The following MAF variants were observed in gnomAD, a reference collection of about 807,000 sequenced individuals.
The protein encoded by MAF is MAF bZIP transcription factor, also known as transcription factor Maf.
In MAF, 10 loss-of-function variants were observed where a neutral mutation model predicts 22.0. The ratio of observed to expected loss-of-function variants is 0.45; its 90% CI spans 0.28 to 0.77. The LOEUF is 0.77. Ranked by LOEUF, MAF falls within the 30% of genes least tolerant of loss-of-function variation. MAF has a pLI of 0.12. For missense variants in MAF, 544 were observed against 548.4 expected, an observed-to-expected ratio of 0.99 and a Z score of 0.08; for synonymous variants, 337 against 255.8, an observed-to-expected ratio of 1.32 and a Z score of -3.03.
At chr16:79,398,561 T>C in the MAF span, among the ~76,000 whole-genome samples, 2 of 152,086 alleles carry the variant, frequency 1.3e-5, no homozygotes, top group African/African-American at 4.8e-5. Context: ...AGACGGAGTA[T>C]CCTAGAGATA....
the MAF span, among the ~76,000 whole-genome samples, chr16:79,298,220 A>G: frequency 3.4e-4 from 52 of 152,336 alleles, no homozygotes; most frequent in Admixed American, 2.7e-3. Context: ...GTCCCCAGGA[A>G]AGGAGATGTG....
chr16:79,328,961 G>C, the MAF span, among the ~76,000 whole-genome samples: 1 of 152,126 alleles, frequency 6.6e-6, no homozygotes, highest in Admixed American at 6.5e-5. Context: ...CTGTCATTGT[G>C]TCTGTCTTTA....
the MAF span, among the ~76,000 whole-genome samples, chr16:79,271,834 C>T: frequency 2.0e-5 from 3 of 152,302 alleles, no homozygotes; most frequent in South Asian, 6.2e-4. Flanking sequence ...TTGGTGGCAC[C>T]ACCAGGGAGG....
At chr16:79,207,934 T>G in the MAF span, among the ~76,000 whole-genome samples, 2 of 152,214 alleles carry the variant, frequency 1.3e-5, no homozygotes, top group Non-Finnish European at 2.9e-5. Context: ...AGCAGCTACT[T>G]AACATTTTCA....
chr16:79,582,185 AAAC>A (rs1407742687), downstream of MAF, among the ~76,000 whole-genome samples: 19 of 152,290 alleles, frequency 1.2e-4, no homozygotes, highest in African/African-American at 4.3e-4. Flanking sequence ...TGCAGACACA[AAAC>A]AACAACTTTA....
chr16:79,536,245 T>A, the MAF span, among the ~76,000 whole-genome samples: 2 of 152,232 alleles, frequency 1.3e-5, no homozygotes, highest in East Asian at 3.8e-4. Flanking sequence ...CACTGCAAAT[T>A]TCTGCCAGTC....
chr16:79,411,803 T>C, the MAF span, among the ~76,000 whole-genome samples: 1 of 152,222 alleles, frequency 6.6e-6, no homozygotes. Flanking sequence ...GCTATTCCTC[T>C]TCCAGATCTC....
chr16:79,365,724 A>AAG, the MAF span, among the ~76,000 whole-genome samples: 1 of 152,108 alleles, frequency 6.6e-6, no homozygotes, highest in Non-Finnish European at 1.5e-5. Context: ...CCCCATCTTC[A>AAG]AGACCATGCC....
the MAF span, among the ~76,000 whole-genome samples, chr16:79,299,503 G>T: frequency 1.3e-5 from 2 of 152,190 alleles, no homozygotes; most frequent in Admixed American, 6.5e-5. Flanking sequence ...GGCCGGAGAA[G>T]GAGGGGGGTC....
At chr16:79,268,829 G>C in the MAF span, among the ~76,000 whole-genome samples, 1 of 152,194 alleles carries the variant, frequency 6.6e-6, no homozygotes, top group Admixed American at 6.5e-5. Flanking sequence ...AAGCCGCATT[G>C]TCAGATGCTT....
the MAF span, among the ~76,000 whole-genome samples, chr16:79,468,851 C>T: frequency 1.3e-5 from 2 of 152,140 alleles, no homozygotes; most frequent in Non-Finnish European, 2.9e-5. Context: ...GTCAGGAAGG[C>T]TACATGCAGG....
chr16:79,390,795 G>T, the MAF span, among the ~76,000 whole-genome samples: 1 of 152,102 alleles, frequency 6.6e-6, no homozygotes, highest in African/African-American at 2.4e-5. Context: ...TCTGATAACC[G>T]GGCCACAGTG....
At chr16:79,464,058 C>T in the MAF span, among the ~76,000 whole-genome samples, 3 of 152,154 alleles carry the variant, frequency 2.0e-5, no homozygotes, top group South Asian at 2.1e-4. Context: ...GCAGATGATG[C>T]AACTCGAACA....
chr16:79,562,842 T>C, the MAF span, among the ~76,000 whole-genome samples: 29 of 152,226 alleles, frequency 1.9e-4, no homozygotes, highest in African/African-American at 7.0e-4. Context: ...ACCGTCATAC[T>C]TGCCTGCCTG....
chr16:79,600,326 G>A lies in MAF; in HGVS notation c.-424C>T, dbSNP rs964247880. On this transcript the variant is annotated 5_prime_UTR_variant, in exon 1 of 2. Coordinates refer to ENST00000326043, the MANE Select transcript of MAF (RefSeq NM_005360.5). ...TCCGCTGCGCGCTTTGCATAAGGAAGGGCTCGCCTCGCCGGCCCGGGCTGC... is the reference window on the plus strand; with the variant it reads ...TCCGCTGCGCGCTTTGCATAAGGAAAGGCTCGCCTCGCCGGCCCGGGCTGC... 42 of 203,172 alleles carry A rather than the reference G, an allele frequency of 2.1e-4. No individual in the cohort carries two copies. Among genetic ancestry groups the A allele is most frequent in the African/African-American group, 9.3e-4 (40 of 42,888 alleles). The allele number at this position is 203,172 out of a possible 1,614,324, so 12.6% of individuals were successfully genotyped here. A position where few individuals can be genotyped will look rare whatever the true frequency, so the allele number is the denominator to read the frequency against.
At chr16:79,359,819 C>G in the MAF span, among the ~76,000 whole-genome samples, 1 of 152,078 alleles carries the variant, frequency 6.6e-6, no homozygotes, top group Non-Finnish European at 1.5e-5. Context: ...AGTCCAGAAG[C>G]TGGGGACAGT....
At chr16:79,565,761 G>A in the MAF span, among the ~76,000 whole-genome samples, 10 of 152,148 alleles carry the variant, frequency 6.6e-5, no homozygotes, top group Non-Finnish European at 1.0e-4. Flanking sequence ...TCCCAGGTAT[G>A]TGTTTATTAG....
the MAF span, among the ~76,000 whole-genome samples, chr16:79,397,203 C>T: frequency 1.3e-5 from 2 of 152,200 alleles, no homozygotes. Context: ...AATCCTTTGG[C>T]AATCTGTGTC....
the MAF span, among the ~76,000 whole-genome samples, chr16:79,272,665 G>A: frequency 9.2e-5 from 14 of 152,330 alleles, no homozygotes; most frequent in East Asian, 3.9e-4. Flanking sequence ...ACCAAGAGCC[G>A]ATACTCTGAG....
Sources: allele counts gnomAD v4.1 joint callset (sites outside exome capture counted in the v4.1 genomes callset), GRCh38; gene constraint gnomAD v4.1.1; transcripts MANE v1.5; gene names NCBI Gene and HGNC (gene_info 2026-07-23, HGNC 2026-07-21).